GRIK2: variants seen among roughly 807,000 people sequenced by gnomAD.
GRIK2 encodes glutamate ionotropic receptor kainate type subunit 2, also known as glutamate receptor ionotropic, kainate 2.
Under a neutral mutation model 100.3 loss-of-function variants are expected in GRIK2, and 32 were observed. The ratio of observed to expected loss-of-function variants is 0.32; its 90% CI spans 0.24 to 0.43. GRIK2 has a LOEUF of 0.43. GRIK2 is among the 20% of genes least tolerant of loss of function. The pLI is 1.00. For synonymous variants in GRIK2, 417 were observed against 389.4 expected (o/e 1.07, Z -0.83); for missense variants, 843 against 1,114.9 (o/e 0.76, Z 3.47).
chr6:101,510,515 T>G (rs990270184), intron 2 of GRIK2, among the ~76,000 whole-genome samples: 4 of 31,220 alleles, frequency 1.3e-4, no homozygotes, highest in South Asian at 4.2e-3. Flanking sequence ...GGGGAGTTTT[T>G]TTTTTTTTTT....
chr6:101,570,675 T>C (rs1777486885), intron 2 of GRIK2, among the ~76,000 whole-genome samples: 1 of 152,296 alleles, frequency 6.6e-6, no homozygotes, highest in African/African-American at 2.4e-5. Context: ...TTGCTGGACA[T>C]GATTTGCCCT....
At chr6:101,549,643 G>T (rs1020967708) in intron 2 of GRIK2, among the ~76,000 whole-genome samples, 3 of 151,864 alleles carry the variant, frequency 2.0e-5, no homozygotes, top group Non-Finnish European at 4.4e-5. Flanking sequence ...AAATTTCCTT[G>T]ATGCTGTATG....
In GRIK2 at chr6:102,035,497, C is replaced by A; in HGVS notation, c.2242C>A (p.Arg748=). 5 of 1,609,770 alleles carry A rather than the reference C, an allele frequency of 3.1e-6. No homozygotes were observed. The highest frequency in any genetic ancestry group is 2.2e-5 in the East Asian group (1 of 44,756). ...AACAACCATCGAGTTTGTTACCCAG[C>A]GGAACTGTAACCTGACACAGATTGG... The part of the protein sequence containing the change: ...ESTTIEFVTQ[R]NCNLTQIGGL... The change falls in exon 15 of 17, where the codon CGG becomes AGG. Residue 748 remains arginine (R), a synonymous_variant. Transcript: ENST00000369134.
At chr6:101,847,232 C>T (rs1783864311) in intron 10 of GRIK2, among the ~76,000 whole-genome samples, 2 of 152,156 alleles carry the variant, frequency 1.3e-5, no homozygotes, top group Middle Eastern at 3.4e-3. Context: ...TCTAATTTCC[C>T]TTCTAATTTC....
chr6:101,618,878 C>A (rs1780017921), intron 2 of GRIK2, among the ~76,000 whole-genome samples: 1 of 150,948 alleles, frequency 6.6e-6, no homozygotes, highest in Admixed American at 6.6e-5. Context: ...GGAACTTCCT[C>A]CTCTTATATA....
chr6:101,770,718 T>C (rs1778347074), intron 7 of GRIK2, among the ~76,000 whole-genome samples: 1 of 152,176 alleles, frequency 6.6e-6, no homozygotes, highest in African/African-American at 2.4e-5. Context: ...AGTGTACCAT[T>C]AAAGTTTTTG....
chr6:101,791,514 G>A (rs866464041), intron 7 of GRIK2, among the ~76,000 whole-genome samples: 11 of 152,096 alleles, frequency 7.2e-5, no homozygotes, highest in South Asian at 2.1e-4. Flanking sequence ...GTAGTTGTGC[G>A]GTTTTGAGTG....
intron 7 of GRIK2, among the ~76,000 whole-genome samples, chr6:101,793,169 C>T (rs1362811041): frequency 1.3e-5 from 2 of 152,162 alleles, no homozygotes; most frequent in Admixed American, 6.5e-5. Context: ...TCCTGTAGCT[C>T]GGAGTAGTTT....
At chr6:101,807,017 G>T (rs1583187671) in intron 9 of GRIK2, among the ~76,000 whole-genome samples, 1 of 151,728 alleles carries the variant, frequency 6.6e-6, no homozygotes, top group East Asian at 1.9e-4. Context: ...GACAAAGTAT[G>T]TACTCAAGAA....
At chr6:101,426,921 T>C (rs1769055558) in intron 2 of GRIK2, among the ~76,000 whole-genome samples, 1 of 152,162 alleles carries the variant, frequency 6.6e-6, no homozygotes. Flanking sequence ...CCAAACAATA[T>C]GCTATGTTTT....
At chr6:101,752,435 A>G (rs1209242636) in intron 7 of GRIK2, among the ~76,000 whole-genome samples, 1 of 152,196 alleles carries the variant, frequency 6.6e-6, no homozygotes, top group Non-Finnish European at 1.5e-5. Context: ...ACTGTAATAC[A>G]GGCACTGTGG....
chr6:101,799,648 A>G lies in GRIK2; in HGVS notation c.952A>G (p.Thr318Ala). ...AATTTCCCTTTCCCTTGCTTTTCAG[A>G]CTGATGCTGCTCTAATGTATGATGC... is the stretch of plus-strand genomic sequence containing the variant. ...DSGLLDGFMT[T>A]DAALMYDAVH... The change falls in exon 8 of 17, where the codon ACT becomes GCT. Residue 318 changes from threonine to alanine, a missense_variant and splice_region_variant. Transcript: ENST00000369134. 1 of 1,612,340 alleles carries G rather than the reference A, an allele frequency of 6.2e-7. No individual in the cohort carries two copies.
chr6:101,712,409 G>GT (rs370432967), intron 7 of GRIK2, among the ~76,000 whole-genome samples: 1 of 151,482 alleles, frequency 6.6e-6, no homozygotes, highest in Non-Finnish European at 1.5e-5. Context: ...TATTTCCTCA[G>GT]TTTTTTTTCT....
chr6:101,875,505 T>C (rs1225851258), intron 11 of GRIK2, among the ~76,000 whole-genome samples: 1 of 147,868 alleles, frequency 6.8e-6, no homozygotes, highest in Non-Finnish European at 1.5e-5. Context: ...GAGTAGGCTA[T>C]TTTTTTTTTA....
intron 2 of GRIK2, among the ~76,000 whole-genome samples, chr6:101,524,781 G>A (rs1305437279): frequency 1.3e-5 from 2 of 150,816 alleles, no homozygotes; most frequent in Non-Finnish European, 1.5e-5. Context: ...GCCCAGGCTG[G>A]AGTGCAATGG....
At chr6:101,580,195 A>G (rs1359625995) in intron 2 of GRIK2, among the ~76,000 whole-genome samples, 2 of 152,144 alleles carry the variant, frequency 1.3e-5, no homozygotes, top group Non-Finnish European at 2.9e-5. Flanking sequence ...AACTTTCTCT[A>G]TGACATCTCA....
intron 2 of GRIK2, among the ~76,000 whole-genome samples, chr6:101,442,106 A>G (rs1271028467): frequency 1.3e-5 from 2 of 152,126 alleles, no homozygotes; most frequent in African/African-American, 4.8e-5. Context: ...GATGGCAGAA[A>G]AGGATAGCAT....
chr6:101,590,055 A>G (rs938257045), intron 2 of GRIK2, among the ~76,000 whole-genome samples: 6 of 152,110 alleles, frequency 3.9e-5, no homozygotes, highest in African/African-American at 1.4e-4. Flanking sequence ...TATGGAATAT[A>G]CTCAGGATAC....
chr6:101,572,465 G>T (rs965430133), intron 2 of GRIK2, among the ~76,000 whole-genome samples: 8 of 152,054 alleles, frequency 5.3e-5, no homozygotes, highest in African/African-American at 1.9e-4. Flanking sequence ...TTAAATACTT[G>T]TGCTAAACTG....
Sources: allele counts gnomAD v4.1 joint callset (sites outside exome capture counted in the v4.1 genomes callset), GRCh38; gene constraint gnomAD v4.1.1; transcripts MANE v1.5; gene names NCBI Gene and HGNC (gene_info 2026-07-23, HGNC 2026-07-21).